Variants in KCNQ1 observed in about 807,000 individuals in gnomAD.
KCNQ1 encodes potassium voltage-gated channel subfamily KQT member 1.
Under a neutral mutation model 72.4 loss-of-function variants are expected in KCNQ1, and 49 were observed. The observed-to-expected ratio is 0.68, with a 90% CI of 0.54 to 0.86. The LOEUF is 0.86. Among genes scored for constraint, KCNQ1 ranks in the 40% least tolerant of loss-of-function variants. The probability of loss-of-function intolerance (pLI) is 0.00; values close to 1 mark genes in which losing one functional copy is unlikely to be tolerated. For missense variants in KCNQ1, 790 were observed against 945.1 expected (o/e 0.84, Z 2.15); for synonymous variants, 450 against 412.6 (o/e 1.09, Z -1.10).
At position 2,508,297 on chromosome 11, in the gene KCNQ1, C is replaced by A. The variant is rs918142787; in HGVS notation, c.387-19631C>A. 8.5e-5 allele frequency among the ~76,000 whole-genome samples: 13 copies of A among 152,196 alleles called. No individual in the cohort carries two copies. The highest frequency in any genetic ancestry group is 1.2e-4 in the African/African-American group (5 of 41,446). ...ACTGGCTTGTCTGACTTGCCGTTAC[C>A]CGGCGGAGATATGTCTTGGAAAGAC... On this transcript the variant is annotated intron_variant, in intron 1 of 15. Transcript: ENST00000155840. The surrounding 1 kb of genome is among the most constrained non-coding windows in gnomAD (Gnocchi z 6.2).
intron 10 of KCNQ1, among the ~76,000 whole-genome samples, chr11:2,607,834 T>A (rs1457798114): frequency 6.6e-6 from 1 of 152,244 alleles, no homozygotes; most frequent in Non-Finnish European, 1.5e-5. Flanking sequence ...ATAATCCTTT[T>A]TAAACATTGC....
chr11:2,729,190 A>G, intron 11 of KCNQ1, among the ~76,000 whole-genome samples: 1 of 152,266 alleles, frequency 6.6e-6, no homozygotes, highest in African/African-American at 2.4e-5. Context: ...GCCTAGGGGC[A>G]AGGGCTGGTC....
chr11:2,598,065 C>A lies in KCNQ1; in HGVS notation c.1393+9211C>A, dbSNP rs1412895325. Among the ~76,000 whole-genome samples, 2 of 152,068 alleles carry A rather than the reference C, an allele frequency of 1.3e-5. No individual in the cohort carries two copies. The highest frequency in any genetic ancestry group is 1.3e-4 in the Admixed American group (2 of 15,270). On this transcript the variant is annotated intron_variant, in intron 10 of 15. Transcript: ENST00000155840. This position sits in a 1 kb window ranked among gnomAD's most constrained non-coding sequence, Gnocchi z 6.2. ...TTGTTATCTATTTCATTAATCTAAG[C>A]TTTTATAGCTATTAATTCCCTTTTC...
intron 1 of KCNQ1, among the ~76,000 whole-genome samples, chr11:2,456,453 A>G (rs1021293197): frequency 6.6e-6 from 1 of 152,156 alleles, no homozygotes; most frequent in African/African-American, 2.4e-5. Flanking sequence ...CTAAAAATTC[A>G]CAAGTGGGAC....
intron 1 of KCNQ1, among the ~76,000 whole-genome samples, chr11:2,501,373 A>C (rs536196864): frequency 6.6e-6 from 1 of 152,172 alleles, no homozygotes; most frequent in African/African-American, 2.4e-5. Context: ...AGAAATTCAA[A>C]GGATAATTAG....
At chr11:2,641,833 G>A (rs771511023) in intron 10 of KCNQ1, 14 of 398,142 alleles carry the variant, frequency 3.5e-5, no homozygotes, top group South Asian at 2.5e-4. Context: ...AGATAGAAAC[G>A]GTTTCATTTT....
chr11:2,642,536 G>T lies in KCNQ1; in HGVS notation c.1394-19425G>T, dbSNP rs1439899317. 8 of 397,188 alleles carry T rather than the reference G, an allele frequency of 2.0e-5. No individual in the cohort carries two copies. The highest frequency in any genetic ancestry group is 1.3e-4 in the South Asian group (1 of 7,806). 24.6% of individuals were successfully genotyped at this position (397,188 alleles called of 1,614,324 possible). A position where few individuals can be genotyped will look rare whatever the true frequency, so the allele number is the denominator to read the frequency against. On this transcript the variant is annotated intron_variant, in intron 10 of 15. Coordinates refer to ENST00000155840, the MANE Select transcript of KCNQ1 (RefSeq NM_000218.3). The surrounding 1 kb of genome is among the most constrained non-coding windows in gnomAD (Gnocchi z 4.3). ...TTGTAATATCCCCTTTTTCATTTTTGATTTTATTCATGTAGGTCTTCTCTC... is the reference window on the plus strand; with the variant it reads ...TTGTAATATCCCCTTTTTCATTTTTTATTTTATTCATGTAGGTCTTCTCTC...
intron 12 of KCNQ1, among the ~76,000 whole-genome samples, chr11:2,773,652 TTCCATCTTACAGAAAGGAGCTCAGTATC>T (rs1338706390): frequency 6.6e-6 from 1 of 151,732 alleles, no homozygotes; most frequent in African/African-American, 2.4e-5. Context: ...AGGCTCAGTA[TTCCATCTTACAGAAAGGAGCTCAGTATC>T]TCCATCTTAC....
At chr11:2,618,948 A>T (rs1353894729) in intron 10 of KCNQ1, 7 of 397,994 alleles carry the variant, frequency 1.8e-5, no homozygotes, top group Non-Finnish European at 2.7e-5. Flanking sequence ...CATAAATGGG[A>T]TTGTTTTCTT....
chr11:2,640,500 G>T, intron 10 of KCNQ1: 1 of 397,848 alleles, frequency 2.5e-6, no homozygotes, highest in South Asian at 1.3e-4. Flanking sequence ...TGCCCAGGCT[G>T]GTCTTGAATT....
rs1348104676 is a variant in KCNQ1, at chr11:2,847,878, GC to G, written c.1909del (p.His637ThrfsTer29). 6.3e-7 allele frequency: 1 copy of G among 1,580,534 alleles called. No individual in the cohort carries two copies. Among genetic ancestry groups the G allele is most frequent in the East Asian group, 2.3e-5 (1 of 42,892 alleles). ...GSGGPPREGG[A>X]HITQPCGSGG... ...CGGCGGCCCCCCCAGAGAGGGCGGG[GC>G]CCACATCACCCAGCCCTGCGGCAGT... On this transcript the variant is annotated frameshift_variant, in exon 16 of 16. Transcript: ENST00000155840. LOFTEE classifies it low-confidence loss of function (END_TRUNC).
At chr11:2,618,711 T>C in intron 10 of KCNQ1, 4 of 398,532 alleles carry the variant, frequency 1.0e-5, no homozygotes, top group Non-Finnish European at 1.8e-5. Flanking sequence ...AACTTTAGAA[T>C]TTAAAAAAAT....
chr11:2,809,861 T>C lies in KCNQ1; in HGVS notation c.1794+31824T>C, dbSNP rs1365356559. On this transcript the variant is annotated intron_variant, in intron 15 of 15. Transcript: ENST00000155840. This position sits in a 1 kb window ranked among gnomAD's most constrained non-coding sequence, Gnocchi z 7.1. ...TTGCATAATTCTGCAACTGACCTTT[T>C]TTCTGGCCATCCTAGATTGGGTTTA... 6.6e-6 allele frequency among the ~76,000 whole-genome samples: 1 copy of C among 152,126 alleles called. No homozygotes were observed. The highest frequency in any genetic ancestry group is 1.9e-4 in the East Asian group (1 of 5,182).
Position 2,669,061 on chromosome 11 carries a change from C to A in KCNQ1, c.1514+6980C>A. Reference sequence around the variant, plus strand: ...CCGGCATGGGAAGGCCCGTCCTCTCCCAACTACCCTGCCGTATCAGTGTCT... The same window carrying A: ...CCGGCATGGGAAGGCCCGTCCTCTCACAACTACCCTGCCGTATCAGTGTCT... On this transcript the variant is annotated intron_variant, in intron 11 of 15. Coordinates refer to ENST00000155840, the MANE Select transcript of KCNQ1 (RefSeq NM_000218.3). The surrounding 1 kb of genome is among the most constrained non-coding windows in gnomAD (Gnocchi z 5.6). 5.0e-6 allele frequency: 2 copies of A among 398,716 alleles called. No individual in the cohort carries two copies. The highest frequency in any genetic ancestry group is 8.8e-6 in the Non-Finnish European group (2 of 226,122). The allele number at this position is 398,716 out of a possible 1,614,324, so 24.7% of individuals were successfully genotyped here.
intron 15 of KCNQ1, among the ~76,000 whole-genome samples, chr11:2,800,243 T>TG (rs1847232463): frequency 1.3e-5 from 2 of 152,186 alleles, no homozygotes; most frequent in South Asian, 4.1e-4. Context: ...TCCATCCCAG[T>TG]GGCCTGAGGG....
At position 2,815,776 on chromosome 11, in the gene KCNQ1, G is replaced by A. The variant is rs995656559; in HGVS notation, c.1795-31991G>A. ...GATGGGGGCCCTGGAGGTACTGGGTGGAGCTGCCCCCAGCCCTTCCTGCTG... is the reference window on the plus strand; with the variant it reads ...GATGGGGGCCCTGGAGGTACTGGGTAGAGCTGCCCCCAGCCCTTCCTGCTG... On this transcript the variant is annotated intron_variant, in intron 15 of 15. Transcript: ENST00000155840. The surrounding 1 kb of genome is among the most constrained non-coding windows in gnomAD (Gnocchi z 5.4). 6.6e-5 allele frequency among the ~76,000 whole-genome samples: 10 copies of A among 152,078 alleles called. No individual in the cohort carries two copies. The highest frequency in any genetic ancestry group is 9.7e-5 in the African/African-American group (4 of 41,396).
At chr11:2,542,322 A>T (rs578094965) in intron 2 of KCNQ1, among the ~76,000 whole-genome samples, 2 of 152,352 alleles carry the variant, frequency 1.3e-5, no homozygotes, top group Admixed American at 6.5e-5. Context: ...GCGGGGAAGG[A>T]AGTGCTAGGG....
At position 2,772,032 on chromosome 11, in the gene KCNQ1, G is replaced by C. The variant is rs1564887628; in HGVS notation, c.1590+3113G>C. On this transcript the variant is annotated intron_variant, in intron 12 of 15. Coordinates refer to ENST00000155840, the MANE Select transcript of KCNQ1 (RefSeq NM_000218.3). The surrounding 1 kb of genome is among the most constrained non-coding windows in gnomAD (Gnocchi z 6.6). ...AGCAGGATCCTCGCAGGGCACAGAG[G>C]CTCCTGCACAAAGCCGCTGGGGCTC... Among the ~76,000 whole-genome samples, 1 of 152,174 alleles carries C rather than the reference G, an allele frequency of 6.6e-6. No homozygotes were observed. The highest frequency in any genetic ancestry group is 6.5e-5 in the Admixed American group (1 of 15,290).
intron 10 of KCNQ1, chr11:2,640,203 C>CACCCACTGTCCTGT (rs1242841203): frequency 7.6e-6 from 3 of 392,480 alleles, no homozygotes; most frequent in Non-Finnish European, 1.3e-5. Flanking sequence ...CAGTGGGCTG[C>CACCCACTGTCCTGT]ACCCACTGTC....
Sources: allele counts gnomAD v4.1 joint callset (sites outside exome capture counted in the v4.1 genomes callset), GRCh38; gene constraint gnomAD v4.1.1; non-coding constraint Gnocchi (gnomAD v3.1); transcripts MANE v1.5; gene names NCBI Gene and HGNC (gene_info 2026-07-23, HGNC 2026-07-21).